The following PLCL1 variants were observed in gnomAD, a reference collection of about 807,000 sequenced individuals.
PLCL1 encodes phospholipase C like 1 (inactive), also known as inactive phospholipase C-like protein 1.
PLCL1 carries 41 observed loss-of-function variants against 84.4 expected under a neutral mutation model. The ratio of observed to expected loss-of-function variants is 0.49; its 90% CI spans 0.38 to 0.63. PLCL1 has a LOEUF of 0.63. Among genes scored for constraint, PLCL1 ranks in the 30% least tolerant of loss-of-function variants. PLCL1 has a pLI of 0.00. For missense variants in PLCL1, 1,206 were observed against 1,367.8 expected (o/e 0.88, Z 1.87); for synonymous variants, 490 against 488.3 (o/e 1.00, Z -0.05).
At position 198,147,203 on chromosome 2, in the gene PLCL1, A is replaced by AGTGTGTATGT. The variant is rs1694544349; in HGVS notation, c.*247_*248insATGTGTGTGT. The AGTGTGTATGT allele has an allele frequency of 1.1e-5, 2 of 187,616 alleles. No individual in the cohort carries two copies. The highest frequency in any genetic ancestry group is 2.4e-5 in the African/African-American group (1 of 41,286). 11.6% of individuals were successfully genotyped at this position (187,616 alleles called of 1,614,324 possible). On this transcript the variant is annotated 3_prime_UTR_variant, in exon 6 of 6. Transcript: ENST00000428675. Reference sequence around the variant, plus strand: ...ACCCCTGTGTGGATGCCTGTGGAAGAGTGTGTGTGTGTGTGTGTGTGTGTG... The same window carrying AGTGTGTATGT: ...ACCCCTGTGTGGATGCCTGTGGAAGAGTGTGTATGTGTGTGTGTGTGTGTGTGTGTGTGTG...
intron 1 of PLCL1, among the ~76,000 whole-genome samples, chr2:197,846,199 A>G (rs971515230): frequency 2.6e-5 from 4 of 152,226 alleles, no homozygotes; most frequent in Non-Finnish European, 1.5e-5. Context: ...TGTTTTAGCC[A>G]TTTGAAGGAT....
At chr2:198,133,278 A>G (rs1187822858) in intron 5 of PLCL1, among the ~76,000 whole-genome samples, 4 of 151,316 alleles carry the variant, frequency 2.6e-5, no homozygotes, top group African/African-American at 7.3e-5. Flanking sequence ...TCACAAGAAC[A>G]AAAAACCAAA....
At chr2:197,959,354 T>G (rs2105788226) in intron 1 of PLCL1, among the ~76,000 whole-genome samples, 1 of 152,132 alleles carries the variant, frequency 6.6e-6, no homozygotes, top group East Asian at 1.9e-4. Flanking sequence ...TTTGTTCTAT[T>G]CAGGTCTTCT....
At chr2:197,974,643 A>G (rs1689931059) in intron 1 of PLCL1, among the ~76,000 whole-genome samples, 1 of 152,242 alleles carries the variant, frequency 6.6e-6, no homozygotes, top group South Asian at 2.1e-4. Flanking sequence ...CTTTTGCACC[A>G]CAGGGCTGCT....
intron 1 of PLCL1, among the ~76,000 whole-genome samples, chr2:198,055,470 T>C (rs1162596445): frequency 1.3e-5 from 2 of 151,362 alleles, no homozygotes; most frequent in Non-Finnish European, 2.9e-5. Context: ...AATTGATTCA[T>C]GTGAATCTTA....
intron 1 of PLCL1, among the ~76,000 whole-genome samples, chr2:197,953,166 A>G (rs1689420904): frequency 6.6e-6 from 1 of 152,122 alleles, no homozygotes; most frequent in Non-Finnish European, 1.5e-5. Context: ...GGCTGAGGTC[A>G]TATGACTAAT....
At chr2:198,044,528 A>G (rs533232927) in intron 1 of PLCL1, among the ~76,000 whole-genome samples, 81 of 152,344 alleles carry the variant, frequency 5.3e-4, no homozygotes, top group African/African-American at 1.9e-3. Flanking sequence ...AGGTTGGGAC[A>G]AATTTTAATG....
chr2:197,980,282 CA>C (rs1238769739), intron 1 of PLCL1, among the ~76,000 whole-genome samples: 2 of 152,134 alleles, frequency 1.3e-5, no homozygotes, highest in Non-Finnish European at 2.9e-5. Flanking sequence ...GTCCAGTGTG[CA>C]ATGGGATTTA....
At chr2:197,918,767 T>C (rs975413683) in intron 1 of PLCL1, among the ~76,000 whole-genome samples, 2 of 151,484 alleles carry the variant, frequency 1.3e-5, no homozygotes, top group African/African-American at 2.4e-5. Context: ...GCCAAAAAAA[T>C]CCCAAAAAAC....
intron 1 of PLCL1, among the ~76,000 whole-genome samples, chr2:198,002,984 A>G (rs950580377): frequency 2.6e-5 from 4 of 152,134 alleles, no homozygotes; most frequent in Admixed American, 2.6e-4. Flanking sequence ...CTATGTTACC[A>G]TTTCTAAGCA....
intron 1 of PLCL1, among the ~76,000 whole-genome samples, chr2:197,807,589 T>C (rs990247012): frequency 9.9e-5 from 15 of 152,214 alleles, no homozygotes; most frequent in Admixed American, 9.2e-4. Context: ...CCCTTTAGCA[T>C]AGTAAAAATG....
intron 1 of PLCL1, among the ~76,000 whole-genome samples, chr2:197,920,493 C>A (rs1688681329): frequency 6.6e-6 from 1 of 152,088 alleles, no homozygotes; most frequent in Non-Finnish European, 1.5e-5. Context: ...AAATTATTAA[C>A]CAAATGGCTG....
chr2:197,914,221 A>G (rs536422279), intron 1 of PLCL1, among the ~76,000 whole-genome samples: 24 of 152,372 alleles, frequency 1.6e-4, no homozygotes, highest in Non-Finnish European at 3.1e-4. Flanking sequence ...TTAAGAGTAA[A>G]TCACAGACAT....
chr2:198,083,736 T>A, intron 1 of PLCL1, 22 bp from the exon 2 acceptor site: 5 of 1,509,122 alleles, frequency 3.3e-6, no homozygotes, highest in Non-Finnish European at 4.5e-6. Context: ...AATTGATTCA[T>A]TTTTTTCAAA....
chr2:197,912,654 T>C (rs1404971113), intron 1 of PLCL1, among the ~76,000 whole-genome samples: 2 of 149,060 alleles, frequency 1.3e-5, no homozygotes, highest in African/African-American at 2.5e-5. Flanking sequence ...GGGACATGGA[T>C]GAAATTGGAA....
intron 1 of PLCL1, among the ~76,000 whole-genome samples, chr2:197,938,302 G>C (rs968867906): frequency 3.3e-5 from 5 of 152,114 alleles, no homozygotes; most frequent in African/African-American, 1.2e-4. Context: ...CCAAGCCACT[G>C]ACTCTTGCAT....
At chr2:198,003,237 A>T (rs1483100809) in intron 1 of PLCL1, among the ~76,000 whole-genome samples, 7 of 152,208 alleles carry the variant, frequency 4.6e-5, no homozygotes, top group Middle Eastern at 3.4e-3. Flanking sequence ...CTACTTTACA[A>T]TTTTTTTTAA....
At chr2:197,959,019 G>A (rs1689552420) in intron 1 of PLCL1, among the ~76,000 whole-genome samples, 1 of 151,970 alleles carries the variant, frequency 6.6e-6, no homozygotes, top group African/African-American at 2.4e-5. Context: ...CAGGATTACT[G>A]TTCTAGTACA....
chr2:197,894,815 G>C lies in PLCL1; in HGVS notation c.240+89476G>C, dbSNP rs1485771174. Among the ~76,000 whole-genome samples the C allele has an allele frequency of 1.1e-4, 17 of 151,926 alleles. 2 individuals are homozygous for C. Among genetic ancestry groups the C allele is most frequent in the Admixed American group, 9.8e-4 (15 of 15,236 alleles). ...AGAAGTTTTGGAGTCAGATGGACTT[G>C]TGCTATAATCCTGGGTCACCTCCTG... On this transcript the variant is annotated intron_variant, in intron 1 of 5. Coordinates refer to ENST00000428675, the MANE Select transcript of PLCL1 (RefSeq NM_006226.4).
Sources: allele counts gnomAD v4.1 joint callset (sites outside exome capture counted in the v4.1 genomes callset), GRCh38; gene constraint gnomAD v4.1.1; transcripts MANE v1.5; gene names NCBI Gene and HGNC (gene_info 2026-07-23, HGNC 2026-07-21).